The following CCDC88A variants were observed in gnomAD, a reference collection of about 807,000 sequenced individuals.
The protein encoded by CCDC88A is coiled-coil and HOOK domain protein 88A, also known as girdin.
A neutral mutation model predicts 234.3 loss-of-function variants in CCDC88A; 54 were observed. The observed-to-expected ratio is 0.23, with a 90% CI of 0.19 to 0.29. The LOEUF is 0.29. CCDC88A is among the 10% of genes least tolerant of loss of function. CCDC88A has a pLI of 1.00. For missense variants in CCDC88A, 1,832 were observed against 2,123.4 expected, an observed-to-expected ratio of 0.86 and a Z score of 2.70; for synonymous variants, 753 against 737.8, an observed-to-expected ratio of 1.02 and a Z score of -0.33.
intron 17 of CCDC88A, among the ~76,000 whole-genome samples, chr2:55,326,497 A>G (rs931927947): frequency 1.3e-5 from 2 of 152,218 alleles, no homozygotes; most frequent in Admixed American, 6.5e-5. Flanking sequence ...AACAATATAA[A>G]TTCAGTTGAA....
intron 27 of CCDC88A, chr2:55,301,594 G>A (rs1008436208): frequency 1.2e-5 from 6 of 520,878 alleles, no homozygotes; most frequent in Non-Finnish European, 2.0e-5. Flanking sequence ...TAGAAAACTA[G>A]CATTGCCTTC....
chr2:55,323,724 T>A (rs1310770368), intron 17 of CCDC88A: 1 of 152,166 alleles, frequency 6.6e-6, no homozygotes, highest in Non-Finnish European at 1.5e-5. Context: ...TTTTATATAT[T>A]TTTTTGAGAC....
intron 8 of CCDC88A, among the ~76,000 whole-genome samples, chr2:55,351,344 AGGTTTTTT>A (rs890998038): frequency 3.3e-5 from 5 of 150,922 alleles, no homozygotes; most frequent in Admixed American, 6.8e-5. Context: ...AATTTTTTTC[AGGTTTTTT>A]TTTTCCTCCA....
At chr2:55,363,916 T>C (rs1381332635) in intron 6 of CCDC88A, 34 bp downstream of exon 6, 1 of 1,195,820 alleles carries the variant, frequency 8.4e-7, no homozygotes, top group Non-Finnish European at 1.2e-6. Flanking sequence ...ACAAGCTTCA[T>C]AAATAGCACG....
Position 55,419,347 on chromosome 2 carries a change from A to C in CCDC88A, c.-268T>G. 2.3e-6 allele frequency: 1 copy of C among 434,206 alleles called. No homozygotes were observed. Among genetic ancestry groups the C allele is most frequent in the Non-Finnish European group, 4.2e-6 (1 of 238,252 alleles). The allele number at this position is 434,206 out of a possible 1,614,324, so 26.9% of individuals were successfully genotyped here. The stretch of plus-strand genomic sequence containing the variant: ...GTACCGGGCGAGGAGGGGCAGAGAA[A>C]AGGCATCTGGAGGAGGAGGAAGGGA... On this transcript the variant is annotated 5_prime_UTR_variant, in exon 1 of 33. Transcript: ENST00000436346.
chr2:55,372,688 G>A (rs757383983), intron 4 of CCDC88A, among the ~76,000 whole-genome samples, 178 bp from the exon 5 acceptor site: 2 of 152,172 alleles, frequency 1.3e-5, no homozygotes, highest in Admixed American at 1.3e-4. Context: ...GGTAACAGCA[G>A]AAGAAATGGG....
chr2:55,406,380 T>A (rs114628467), intron 2 of CCDC88A, among the ~76,000 whole-genome samples: 2 of 152,140 alleles, frequency 1.3e-5, no homozygotes, highest in Non-Finnish European at 2.9e-5. Context: ...TTGGTAAAAA[T>A]AGATTGGGGG....
At chr2:55,405,614 T>C (rs6545489) in intron 2 of CCDC88A, 131,601 of 152,230 alleles carry the variant, frequency 0.86, 57,282 homozygotes, top group Admixed American at 0.93. Context: ...CCAGTCTGCA[T>C]GGCAGGTGAG....
At chr2:55,389,040 G>A (rs1676162900) in intron 2 of CCDC88A, among the ~76,000 whole-genome samples, 154 bp from the exon 3 acceptor site, 2 of 152,104 alleles carry the variant, frequency 1.3e-5, no homozygotes, top group African/African-American at 4.8e-5. Flanking sequence ...TTATTACTTT[G>A]ACATGTATTC....
At chr2:55,349,357 T>G in intron 9 of CCDC88A, 161 bp downstream of exon 9, 1 of 592,920 alleles carries the variant, frequency 1.7e-6, no homozygotes, top group South Asian at 2.3e-5. Flanking sequence ...GCTCTGACAT[T>G]TTTGAAGAGA....
At chr2:55,347,473 G>A (rs1042154720) in intron 9 of CCDC88A, among the ~76,000 whole-genome samples, 3 of 152,084 alleles carry the variant, frequency 2.0e-5, no homozygotes, top group African/African-American at 7.2e-5. Flanking sequence ...TGAGAATATA[G>A]TAGTAGTAAT....
At chr2:55,379,023 G>A (rs1012574570) in intron 3 of CCDC88A, among the ~76,000 whole-genome samples, 1 of 152,150 alleles carries the variant, frequency 6.6e-6, no homozygotes, top group Admixed American at 6.5e-5. Flanking sequence ...AAGGATTACA[G>A]GCATGAACCA....
At chr2:55,366,595 T>C (rs979472619) in intron 5 of CCDC88A, among the ~76,000 whole-genome samples, 2 of 144,100 alleles carry the variant, frequency 1.4e-5, no homozygotes, top group African/African-American at 5.1e-5. Context: ...ATGTGGAAAC[T>C]TGGACATAGG....
intron 2 of CCDC88A, among the ~76,000 whole-genome samples, chr2:55,409,961 G>A (rs182356322): frequency 1.4e-4 from 22 of 151,870 alleles, no homozygotes; most frequent in African/African-American, 5.1e-4. Context: ...GGCTGATCTT[G>A]AACTCCTGAC....
intron 10 of CCDC88A, 28 bp downstream of exon 10, chr2:55,346,147 A>C: frequency 6.5e-7 from 1 of 1,531,078 alleles, no homozygotes; most frequent in Non-Finnish European, 8.8e-7. Flanking sequence ...AGAAAAAAAA[A>C]TCATGAATGG....
At position 55,419,342 on chromosome 2, in the gene CCDC88A, G is replaced by A; in HGVS notation, c.-263C>T. 1 of 437,770 alleles carries A rather than the reference G, an allele frequency of 2.3e-6. No individual in the cohort carries two copies. Among genetic ancestry groups the A allele is most frequent in the South Asian group, 2.7e-5 (1 of 37,014 alleles). The allele number at this position is 437,770 out of a possible 1,614,324, so 27.1% of individuals were successfully genotyped here. On this transcript the variant is annotated 5_prime_UTR_variant, in exon 1 of 33. Transcript: ENST00000436346. ...TGTCTGTACCGGGCGAGGAGGGGCA[G>A]AGAAAAGGCATCTGGAGGAGGAGGA...
At chr2:55,390,671 G>C (rs1397502773) in intron 2 of CCDC88A, among the ~76,000 whole-genome samples, 3 of 152,206 alleles carry the variant, frequency 2.0e-5, no homozygotes, top group Non-Finnish European at 1.5e-5. Flanking sequence ...GTAAGGCACT[G>C]AGGTGCTTTC....
At position 55,334,853 on chromosome 2, in the gene CCDC88A, T is replaced by C; in HGVS notation, c.1968A>G (p.Glu656=). The C allele has an allele frequency of 6.5e-7, 1 of 1,533,902 alleles. No homozygotes were observed. Reference sequence around the variant, plus strand: ...TTTCTTGTTCTAAGGCCTCAATTTTTTCACAAGTAATTTTTAAATTAGTTA... The same window carrying C: ...TTTCTTGTTCTAAGGCCTCAATTTTCTCACAAGTAATTTTTAAATTAGTTA... The part of the protein sequence containing the change: ...KKITNLKITC[E]KIEALEQENS... The change falls in exon 15 of 33, where the codon GAA becomes GAG. Residue 656 remains glutamate, a synonymous_variant. Transcript: ENST00000436346. The surrounding 1 kb of genome is among the most constrained non-coding windows in gnomAD (Gnocchi z 6.1).
chr2:55,354,469 A>T (rs1670300777), intron 8 of CCDC88A, among the ~76,000 whole-genome samples: 1 of 152,094 alleles, frequency 6.6e-6, no homozygotes, highest in African/African-American at 2.4e-5. Flanking sequence ...TTTAAACTTA[A>T]CTCTTTTATA....
Sources: gnomAD v4.1 joint callset for allele counts (sites outside exome capture counted in the v4.1 genomes callset) on GRCh38, gnomAD v4.1.1 for gene constraint, Gnocchi (gnomAD v3.1) non-coding constraint, MANE v1.5 for transcripts, NCBI Gene and HGNC (gene_info 2026-07-23, HGNC 2026-07-21) for gene names.